The following NRG3 variants were observed in gnomAD, a reference collection of about 807,000 sequenced individuals.
NRG3 encodes the protein pro-neuregulin-3, membrane-bound isoform.
A neutral mutation model predicts 66.9 loss-of-function variants in NRG3; 31 were observed. That is an observed-to-expected ratio of 0.46 (90% CI 0.35 to 0.63). The LOEUF is 0.63. Among genes scored for constraint, NRG3 ranks in the 20% least tolerant of loss-of-function variants. The probability of loss-of-function intolerance (pLI) is 0.00; values close to 1 mark genes in which losing one functional copy is unlikely to be tolerated. For synonymous variants in NRG3, 393 were observed against 359.4 expected (o/e 1.09, Z -1.06); for missense variants, 910 against 878.9 (o/e 1.04, Z -0.45).
chr10:82,357,191 G>C (rs775467275), intron 1 of NRG3, among the ~76,000 whole-genome samples: 5 of 152,220 alleles, frequency 3.3e-5, no homozygotes, highest in Admixed American at 1.3e-4. Flanking sequence ...TGAAAATTAA[G>C]TTGCATAAAG....
chr10:82,621,244 C>T (rs2049019391), intron 2 of NRG3, among the ~76,000 whole-genome samples: 1 of 152,140 alleles, frequency 6.6e-6, no homozygotes, highest in Non-Finnish European at 1.5e-5. Context: ...GAAGTCAGAC[C>T]TGCTGAAGTT....
intron 2 of NRG3, among the ~76,000 whole-genome samples, chr10:82,377,608 T>G (rs79468171): frequency 6.6e-6 from 1 of 152,242 alleles, no homozygotes; most frequent in South Asian, 2.1e-4. Flanking sequence ...AGCAGTGACC[T>G]TATTGAGATC....
intron 2 of NRG3, among the ~76,000 whole-genome samples, chr10:82,360,337 G>C (rs1476647185): frequency 1.3e-5 from 2 of 152,230 alleles, no homozygotes; most frequent in Admixed American, 1.3e-4. Flanking sequence ...AGCTCTTTTA[G>C]ATCCTCAACC....
chr10:82,963,276 T>C (rs759370836), intron 6 of NRG3, among the ~76,000 whole-genome samples: 2 of 152,198 alleles, frequency 1.3e-5, no homozygotes, highest in African/African-American at 2.4e-5. Context: ...TTTTGAGGAC[T>C]GCAACCTGAG....
chr10:82,186,073 G>T (rs1473993558), intron 1 of NRG3, among the ~76,000 whole-genome samples: 1 of 152,144 alleles, frequency 6.6e-6, no homozygotes, highest in Non-Finnish European at 1.5e-5. Flanking sequence ...GTGTGGGCAT[G>T]AAATTGTTAG....
intron 3 of NRG3, among the ~76,000 whole-genome samples, chr10:82,773,686 A>G (rs1234030763): frequency 2.0e-5 from 3 of 152,040 alleles, no homozygotes; most frequent in Non-Finnish European, 4.4e-5. Context: ...CATCATTATT[A>G]TCAATTAATT....
intron 2 of NRG3, among the ~76,000 whole-genome samples, chr10:82,413,594 A>T (rs2088292207): frequency 6.6e-6 from 1 of 152,106 alleles, no homozygotes; most frequent in Non-Finnish European, 1.5e-5. Flanking sequence ...TGAAATTTTA[A>T]AGCCAGTCAT....
At chr10:82,040,873 C>T (rs1391067481) in intron 1 of NRG3, among the ~76,000 whole-genome samples, 1 of 152,062 alleles carries the variant, frequency 6.6e-6, no homozygotes, top group Non-Finnish European at 1.5e-5. Flanking sequence ...TCATGCATGT[C>T]AATTGTTCTT....
chr10:82,942,435 C>T (rs1848657764), intron 4 of NRG3, among the ~76,000 whole-genome samples: 1 of 152,232 alleles, frequency 6.6e-6, no homozygotes, highest in Admixed American at 6.5e-5. Context: ...ACATCTGGAT[C>T]TGAACTATGG....
chr10:82,081,294 C>G (rs2065376336), intron 1 of NRG3, among the ~76,000 whole-genome samples: 1 of 152,108 alleles, frequency 6.6e-6, no homozygotes, highest in Admixed American at 6.5e-5. Flanking sequence ...TTATCTGTTG[C>G]AGACAAGAAC....
At chr10:81,881,970 T>C (rs1163659418) in intron 1 of NRG3, among the ~76,000 whole-genome samples, 1 of 152,236 alleles carries the variant, frequency 6.6e-6, no homozygotes, top group Non-Finnish European at 1.5e-5. Flanking sequence ...TCTTTTTTTA[T>C]GCTTTAAAAA....
At chr10:82,868,645 T>C (rs1041066551) in intron 4 of NRG3, among the ~76,000 whole-genome samples, 3 of 152,228 alleles carry the variant, frequency 2.0e-5, no homozygotes, top group African/African-American at 7.2e-5. Flanking sequence ...TAATTGAATA[T>C]GTAAAATTCT....
intron 3 of NRG3, 46 bp from the exon 4 acceptor site, chr10:82,865,365 T>C (rs1339130300): frequency 1.2e-6 from 2 of 1,607,824 alleles, no homozygotes; most frequent in East Asian, 2.2e-5. Context: ...TTCTAACCTT[T>C]TTCTCTTTTT....
intron 2 of NRG3, among the ~76,000 whole-genome samples, chr10:82,604,934 AC>A (rs1368994525): frequency 6.6e-5 from 10 of 152,080 alleles, no homozygotes; most frequent in African/African-American, 2.4e-4. Context: ...GTGTCCTGTA[AC>A]TTTGCCATAG....
chr10:82,938,972 C>T (rs1411248833), intron 4 of NRG3, among the ~76,000 whole-genome samples: 1 of 152,128 alleles, frequency 6.6e-6, no homozygotes, highest in Non-Finnish European at 1.5e-5. Flanking sequence ...AAAGTGAACT[C>T]GGACACCACA....
intron 2 of NRG3, among the ~76,000 whole-genome samples, chr10:82,417,076 C>T (rs1484436018): frequency 6.6e-6 from 1 of 152,174 alleles, no homozygotes; most frequent in Non-Finnish European, 1.5e-5. Flanking sequence ...TTCCCTGATT[C>T]AGTCCCCAAG....
At chr10:82,042,986 T>A (rs2063112893) in intron 1 of NRG3, among the ~76,000 whole-genome samples, 1 of 152,040 alleles carries the variant, frequency 6.6e-6, no homozygotes, top group Non-Finnish European at 1.5e-5. Flanking sequence ...TTTGGCATTA[T>A]TTTTATTCTG....
chr10:82,877,023 A>G (rs1449218931), intron 4 of NRG3, among the ~76,000 whole-genome samples: 1 of 150,720 alleles, frequency 6.6e-6, no homozygotes, highest in African/African-American at 2.5e-5. Context: ...AACTCTGCCA[A>G]GAAAAAAAAA....
intron 2 of NRG3, among the ~76,000 whole-genome samples, chr10:82,506,236 A>C (rs1387206213): frequency 6.6e-6 from 1 of 152,224 alleles, no homozygotes. Context: ...CCATAGAGCG[A>C]GACTCTGTCT....
Sources: allele counts gnomAD v4.1 joint callset (sites outside exome capture counted in the v4.1 genomes callset), GRCh38; gene constraint gnomAD v4.1.1; transcripts MANE v1.5; gene names NCBI Gene and HGNC (gene_info 2026-07-23, HGNC 2026-07-21).